PCNT: variants seen among roughly 807,000 people sequenced by gnomAD.
PCNT encodes the protein pericentrin.
PCNT carries 319 observed loss-of-function variants against 380.4 expected under a neutral mutation model. The ratio of observed to expected loss-of-function variants is 0.84; its 90% CI spans 0.77 to 0.92. The LOEUF is 0.92. PCNT is among the 40% of genes least tolerant of loss of function. The pLI, the probability that PCNT is intolerant of heterozygous loss-of-function variation, is 0.00. For missense variants in PCNT, 4,400 were observed against 4,255.3 expected, an observed-to-expected ratio of 1.03 and a Z score of -0.95; for synonymous variants, 1,845 against 1,735.2, an observed-to-expected ratio of 1.06 and a Z score of -1.57.
intron 2 of PCNT, among the ~76,000 whole-genome samples, chr21:46,333,627 A>G (rs1355047725): frequency 6.7e-6 from 1 of 149,882 alleles, no homozygotes. Context: ...CAGGCTGGGC[A>G]CGGTTACTCA....
chr21:46,442,895 T>C, intron 44 of PCNT: 1 of 392,382 alleles, frequency 2.5e-6, no homozygotes, highest in East Asian at 5.7e-5. Context: ...TCACTTCACG[T>C]CTCTTTCCTT....
intron 15 of PCNT, among the ~76,000 whole-genome samples, chr21:46,379,371 A>G (rs1259340242): frequency 1.3e-5 from 2 of 152,156 alleles, no homozygotes; most frequent in Admixed American, 6.5e-5. Flanking sequence ...CCTGCTGTGC[A>G]CTGGCTGGCC....
intron 27 of PCNT, among the ~76,000 whole-genome samples, chr21:46,406,820 C>T (rs1601988531): frequency 6.6e-6 from 1 of 152,170 alleles, no homozygotes; most frequent in African/African-American, 2.4e-5. Flanking sequence ...ATATTTTTCT[C>T]TTTTATTCTA....
rs28667455 is a variant in PCNT at position 46,429,416 on chromosome 21, G to A, written c.7691-594G>A. 5.2e-3 allele frequency among the ~76,000 whole-genome samples: 760 copies of A among 146,464 alleles called. 5 individuals carry two copies. The highest frequency in any genetic ancestry group is 0.014 in the Middle Eastern group (4 of 278). On this transcript the variant is annotated intron_variant, in intron 35 of 46. Coordinates refer to ENST00000359568, the MANE Select transcript of PCNT (RefSeq NM_006031.6). ...CGAGCGCTCGTGAGGGGCATGGGGG[G>A]GCTGGCGCTGTGCACGTGCTCGTGA...
chr21:46,441,354 A>G (rs1231582763), intron 43 of PCNT, among the ~76,000 whole-genome samples: 2 of 152,230 alleles, frequency 1.3e-5, no homozygotes, highest in African/African-American at 4.8e-5. Context: ...GTTTCGTGCC[A>G]CAAAGAACGT....
intron 3 of PCNT, among the ~76,000 whole-genome samples, chr21:46,342,586 G>T (rs538340657): frequency 3.8e-4 from 58 of 150,872 alleles, no homozygotes; most frequent in African/African-American, 1.3e-3. Context: ...TGTTGCCCAG[G>T]CTGGAATGCA....
intron 20 of PCNT, 76 bp from the exon 21 acceptor site, chr21:46,391,088 G>A (rs1012141066): frequency 2.1e-5 from 30 of 1,397,936 alleles, no homozygotes; most frequent in African/African-American, 7.1e-5. Context: ...CAGTGGCCCC[G>A]TCCCTTCCTC....
chr21:46,332,253 T>G (rs1009323157), intron 2 of PCNT, among the ~76,000 whole-genome samples: 3 of 152,202 alleles, frequency 2.0e-5, no homozygotes, highest in Non-Finnish European at 4.4e-5. Flanking sequence ...TAACTAGTGC[T>G]ATAGAAGGCT....
intron 29 of PCNT, 105 bp from the exon 30 acceptor site, chr21:46,415,964 C>T (rs1255204614): frequency 2.9e-6 from 3 of 1,046,720 alleles, no homozygotes; most frequent in Non-Finnish European, 4.4e-6. Flanking sequence ...TGTGGAATCA[C>T]CCGAGTGCTC....
At chr21:46,403,741 T>G (rs1395004840) in intron 27 of PCNT, among the ~76,000 whole-genome samples, 2,541 of 43,632 alleles carry the variant, frequency 0.058, no homozygotes, top group Admixed American at 0.064. Context: ...TAGTGTGTGT[T>G]TGGTGCCCAC....
rs529850624 is a variant in PCNT at position 46,346,048 on chromosome 21, G to A, written c.640-80G>A. ...GCTGCGAACGGGGTTTTGTGAGGAC[G>A]TGCGTCGTCAGTTCTTGAGCACATC... On this transcript the variant is annotated intron_variant, in intron 3 of 46. Transcript: ENST00000359568. The A allele has an allele frequency of 2.2e-4, 292 of 1,347,288 alleles. 1 individual carries two copies. Among genetic ancestry groups the A allele is most frequent in the South Asian group, 5.4e-4 (46 of 85,366 alleles). The allele number at this position is 1,347,288 out of a possible 1,614,324, so 83.5% of individuals were successfully genotyped here.
chr21:46,395,486 A>G (rs28410746), intron 21 of PCNT, among the ~76,000 whole-genome samples: 5 of 82,684 alleles, frequency 6.0e-5, no homozygotes, highest in African/African-American at 1.8e-4. Flanking sequence ...CAGAAATAAT[A>G]GTAATAAAAT....
rs752989321 is a variant in PCNT at position 46,349,797 on chromosome 21, A to C, written c.1321A>C (p.Ser441Arg). The C allele has an allele frequency of 5.6e-6, 9 of 1,614,176 alleles. No homozygotes were observed. The Admixed American group carries it at 1.5e-4, about 27-fold the overall frequency. The change falls in exon 8 of 47, where the codon AGC becomes CGC. Residue 441 changes from serine (S) to arginine (R), a missense_variant. Transcript: ENST00000359568. ...AGACTTGGAGTTCAAGTTCAAAGAG[A>C]GCGAGAAAGAAAAACAGCTGGAGGT... ...LEDLEFKFKESEKEKQLELEN... is the reference protein window; with the variant it reads ...LEDLEFKFKEREKEKQLELEN...
intron 9 of PCNT, among the ~76,000 whole-genome samples, chr21:46,352,696 A>G (rs921497244): frequency 2.6e-5 from 4 of 152,204 alleles, no homozygotes; most frequent in African/African-American, 9.6e-5. Flanking sequence ...CCAAGATGGT[A>G]CAGCTGGGTT....
At chr21:46,407,340 C>CTCTTTTTTT (rs2086648678) in intron 27 of PCNT, among the ~76,000 whole-genome samples, 1 of 106,434 alleles carries the variant, frequency 9.4e-6, no homozygotes, top group Non-Finnish European at 1.8e-5. Flanking sequence ...TATACTTTCT[C>CTCTTTTTTT]TTTTTTTTTT....
chr21:46,414,821 CCCTGCTCCT>C (rs2086955016), intron 29 of PCNT, among the ~76,000 whole-genome samples: 1 of 147,642 alleles, frequency 6.8e-6, no homozygotes, highest in South Asian at 2.2e-4. Context: ...CAGCCGCCCA[CCCTGCTCCT>C]CCTCCTCCTG....
chr21:46,375,979 C>T (rs1353043666), intron 15 of PCNT, among the ~76,000 whole-genome samples: 1 of 152,204 alleles, frequency 6.6e-6, no homozygotes, highest in Non-Finnish European at 1.5e-5. Context: ...CTTCCAGCTG[C>T]CAGTGGGTGG....
intron 15 of PCNT, among the ~76,000 whole-genome samples, chr21:46,372,471 C>T (rs1412928955): frequency 2.6e-5 from 4 of 152,232 alleles, no homozygotes; most frequent in South Asian, 2.1e-4. Context: ...TGGGGCCCTC[C>T]TGCTTCTGTG....
rs369722780 is a variant in PCNT at position 46,348,067 on chromosome 21, G to A, written c.1032+555G>A. 2.5e-3 allele frequency among the ~76,000 whole-genome samples: 376 copies of A among 152,340 alleles called. 1 individual carries two copies. Among genetic ancestry groups the A allele is most frequent in the African/African-American group, 8.5e-3 (352 of 41,580 alleles). On this transcript the variant is annotated intron_variant, in intron 6 of 46. Transcript: ENST00000359568. ...GGCAGCTCTCAGGCCCTTGGCAGAC[G>A]ATGGGTGTTAGTCCAGGCTTGGGGT...
Sources: allele counts gnomAD v4.1 joint callset (sites outside exome capture counted in the v4.1 genomes callset), GRCh38; gene constraint gnomAD v4.1.1; transcripts MANE v1.5; gene names NCBI Gene and HGNC (gene_info 2026-07-23, HGNC 2026-07-21).